TMEM132C: variants seen among roughly 807,000 people sequenced by gnomAD.
TMEM132C encodes transmembrane protein 132C, also known as protein phosphatase 1, regulatory subunit 152.
Under a neutral mutation model 61.4 loss-of-function variants are expected in TMEM132C, and 29 were observed. That is an observed-to-expected ratio of 0.47 (90% CI 0.35 to 0.64). The LOEUF (loss-of-function observed/expected upper bound fraction) is 0.64. Ranked by LOEUF, TMEM132C falls within the 30% of genes least tolerant of loss-of-function variation. The pLI is 0.00. For synonymous variants in TMEM132C, 656 were observed against 633.1 expected (o/e 1.04, Z -0.54); for missense variants, 1,408 against 1,476.9 (o/e 0.95, Z 0.76).
At chr12:128,650,577 T>G (rs1001540085) in intron 4 of TMEM132C, among the ~76,000 whole-genome samples, 18 of 151,894 alleles carry the variant, frequency 1.2e-4, no homozygotes, top group African/African-American at 4.1e-4. Context: ...GAATTATTAA[T>G]AATATCAGGG....
intron 4 of TMEM132C, among the ~76,000 whole-genome samples, chr12:128,632,597 A>C (rs534972007): frequency 6.6e-6 from 1 of 152,332 alleles, no homozygotes; most frequent in Admixed American, 6.5e-5. Context: ...TTTTTTTCCG[A>C]CTACGAAAAT....
intron 5 of TMEM132C, among the ~76,000 whole-genome samples, chr12:128,688,135 T>C (rs1954691869): frequency 6.6e-6 from 1 of 152,224 alleles, no homozygotes; most frequent in Admixed American, 6.5e-5. Flanking sequence ...CCACAGTTGC[T>C]GGACAGTGGC....
intron 4 of TMEM132C, among the ~76,000 whole-genome samples, chr12:128,632,297 G>A (rs1257399864): frequency 1.3e-5 from 2 of 152,166 alleles, no homozygotes. Context: ...GCACTTAGAA[G>A]AGTACTTGGC....
At chr12:128,653,462 C>T (rs113490185) in intron 4 of TMEM132C, among the ~76,000 whole-genome samples, 4,125 of 152,244 alleles carry the variant, frequency 0.027, 76 homozygotes, top group Middle Eastern at 0.065. Flanking sequence ...TATGCATTTG[C>T]ATTTTCTGAG....
chr12:128,409,538 G>A (rs906502504), intron 1 of TMEM132C, among the ~76,000 whole-genome samples: 1 of 152,116 alleles, frequency 6.6e-6, no homozygotes, highest in Non-Finnish European at 1.5e-5. Context: ...CATCTTCAAA[G>A]ACAAGCTGGA....
intron 4 of TMEM132C, among the ~76,000 whole-genome samples, chr12:128,647,131 T>C (rs11837671): frequency 0.037 from 3,648 of 98,948 alleles, 21 homozygotes; most frequent in Middle Eastern, 0.065. Context: ...ATCCCATCAG[T>C]GTTGGATGTG....
At chr12:128,376,761 A>T (rs983704224) in intron 1 of TMEM132C, among the ~76,000 whole-genome samples, 1 of 152,250 alleles carries the variant, frequency 6.6e-6, no homozygotes, top group Non-Finnish European at 1.5e-5. Context: ...AAGAAGAAGC[A>T]GTCTCCTTGC....
chr12:128,643,717 G>T (rs962475933), intron 4 of TMEM132C, among the ~76,000 whole-genome samples: 1 of 152,108 alleles, frequency 6.6e-6, no homozygotes, highest in Non-Finnish European at 1.5e-5. Context: ...TTATTGTTTT[G>T]TTTGCTACGT....
chr12:128,489,377 G>GAA lies in TMEM132C; in HGVS notation c.975-54569_975-54568dup, dbSNP rs11449941. 4.8e-3 allele frequency among the ~76,000 whole-genome samples: 694 copies of GAA among 143,844 alleles called. 6 individuals are homozygous for GAA. Among genetic ancestry groups the GAA allele is most frequent in the South Asian group, 8.2e-3 (37 of 4,492 alleles). The allele number at this position is 143,844 out of a possible 152,430, so 94.4% of individuals were successfully genotyped here. On this transcript the variant is annotated intron_variant, in intron 2 of 8. Transcript: ENST00000435159. ...AGAAAGGAGGCGAGAATAAAAGCTG[G>GAA]AAAAAAAAAAAACCATAGCCTCTTA...
chr12:128,336,370 C>T (rs1194334259), intron 1 of TMEM132C, among the ~76,000 whole-genome samples: 1 of 152,120 alleles, frequency 6.6e-6, no homozygotes, highest in African/African-American at 2.4e-5. Flanking sequence ...AATCTGTACT[C>T]TGGGAGGGGT....
chr12:128,666,823 A>T (rs1326557404), intron 4 of TMEM132C, among the ~76,000 whole-genome samples: 1 of 152,244 alleles, frequency 6.6e-6, no homozygotes, highest in Non-Finnish European at 1.5e-5. Context: ...GGTCAGTGAA[A>T]AATATATATG....
chr12:128,666,547 T>G (rs1272592177), intron 4 of TMEM132C, among the ~76,000 whole-genome samples: 9 of 152,176 alleles, frequency 5.9e-5, no homozygotes, highest in African/African-American at 1.9e-4. Context: ...CCCTGCTAAT[T>G]TGTAAAATGA....
chr12:128,550,128 A>G (rs1874116520), intron 3 of TMEM132C, among the ~76,000 whole-genome samples: 1 of 152,162 alleles, frequency 6.6e-6, no homozygotes, highest in Non-Finnish European at 1.5e-5. Context: ...GGCTTAAAAC[A>G]CAGAAATTTA....
At chr12:128,703,333 G>A (rs1476761515) in intron 8 of TMEM132C, among the ~76,000 whole-genome samples, 1 of 152,056 alleles carries the variant, frequency 6.6e-6, no homozygotes, top group Non-Finnish European at 1.5e-5. Flanking sequence ...AGTGTGTGCT[G>A]TTCCCCTCTA....
intron 3 of TMEM132C, among the ~76,000 whole-genome samples, chr12:128,586,219 T>C (rs944337881): frequency 6.6e-6 from 1 of 152,100 alleles, no homozygotes; most frequent in East Asian, 1.9e-4. Flanking sequence ...TTTGAAAGTC[T>C]GCCACTGCAT....
intron 5 of TMEM132C, among the ~76,000 whole-genome samples, chr12:128,676,360 T>C (rs1251465341): frequency 6.7e-6 from 1 of 150,098 alleles, no homozygotes; most frequent in Admixed American, 6.6e-5. Flanking sequence ...CAAGTGACGA[T>C]ATACATACAT....
In TMEM132C at chr12:128,324,215, C is replaced by G. The variant is rs149966979; in HGVS notation, c.85+56728C>G. 3.4e-3 allele frequency among the ~76,000 whole-genome samples: 510 copies of G among 152,170 alleles called. 4 individuals are homozygous for G. The highest frequency in any genetic ancestry group is 0.012 in the African/African-American group (499 of 41,512). ...GGAAGTGCAAATAGAGGGTTGCTTA[C>G]CAGATGTGGTGGTGGTTGAAATTAA... is the stretch of plus-strand genomic sequence containing the variant. On this transcript the variant is annotated intron_variant, in intron 1 of 8. Coordinates refer to ENST00000435159, the MANE Select transcript of TMEM132C (RefSeq NM_001136103.3).
intron 1 of TMEM132C, among the ~76,000 whole-genome samples, chr12:128,317,820 G>T (rs1201150039): frequency 6.6e-6 from 1 of 152,216 alleles, no homozygotes; most frequent in Non-Finnish European, 1.5e-5. Flanking sequence ...GGGAGGCAGA[G>T]GTTTCAGTGA....
chr12:128,519,147 C>T (rs573928582), intron 2 of TMEM132C, among the ~76,000 whole-genome samples: 1 of 152,304 alleles, frequency 6.6e-6, no homozygotes, highest in African/African-American at 2.4e-5. Context: ...TAATTTTCCC[C>T]TCATCAGTAC....
Sources: gnomAD v4.1 joint callset for allele counts (sites outside exome capture counted in the v4.1 genomes callset) on GRCh38, gnomAD v4.1.1 for gene constraint, MANE v1.5 for transcripts, NCBI Gene and HGNC (gene_info 2026-07-23, HGNC 2026-07-21) for gene names.